Variants in TMEM171 observed in about 807,000 individuals in gnomAD.
TMEM171 encodes the protein proline-rich protein PRP2.
Under a neutral mutation model 19.1 loss-of-function variants are expected in TMEM171, and 16 were observed. The observed-to-expected ratio is 0.84, with a 90% confidence interval of 0.57 to 1.27. TMEM171 has a LOEUF of 1.27. Among genes scored for constraint, TMEM171 ranks in the 50% most tolerant of loss-of-function variants. The probability of loss-of-function intolerance (pLI) is 0.00; values close to 1 mark genes in which losing one functional copy is unlikely to be tolerated. For synonymous variants in TMEM171, 153 were observed against 163.4 expected (o/e 0.94, Z 0.48); for missense variants, 429 against 412.7 (o/e 1.04, Z -0.34).
At chr5:73,131,161 A>T (rs1875200) in intron 3 of TMEM171, among the ~76,000 whole-genome samples, 1 of 151,946 alleles carries the variant, frequency 6.6e-6, no homozygotes, top group Non-Finnish European at 1.5e-5. Context: ...TTAATTTTCC[A>T]TATGCAAAAG....
intron 2 of TMEM171, among the ~76,000 whole-genome samples, chr5:73,125,373 C>T (rs924671334): frequency 6.6e-6 from 1 of 152,148 alleles, no homozygotes; most frequent in Non-Finnish European, 1.5e-5. Flanking sequence ...ACGTTAGTAC[C>T]TCCATGTTAC....
rs905226811 is a variant in TMEM171, at chr5:73,120,654, G to C, written c.-111G>C. ...GAGGCGGACGCCGCGCCCAGCCAGT[G>C]CCCACAGCAGCGCGGTCAGCCAGGC... On this transcript the variant is annotated 5_prime_UTR_variant, in exon 1 of 4. Transcript: ENST00000454765. 8.1e-6 allele frequency: 8 copies of C among 984,542 alleles called. No individual in the cohort carries two copies. The highest frequency in any genetic ancestry group is 1.8e-5 in the African/African-American group (1 of 57,130). 61.0% of individuals were successfully genotyped at this position (984,542 alleles called of 1,614,324 possible).
At chr5:73,126,798 ATCT>A (rs1165013048) in intron 2 of TMEM171, among the ~76,000 whole-genome samples, 2 of 152,130 alleles carry the variant, frequency 1.3e-5, no homozygotes, top group African/African-American at 4.8e-5. Context: ...GTAAAGCCCC[ATCT>A]TCTTCATTTT....
chr5:73,123,529 C>T lies in TMEM171; in HGVS notation c.156C>T (p.Leu52=), dbSNP rs1744062298. ...TCCAGGCATGCCAATATAAGCCCCT[C>T]CCAGACTGCCCCATGGTGCTCAAGG... The part of the protein sequence containing the change: ...FGFQACQYKP[L]PDCPMVLKVA... The change falls in exon 2 of 4, where the codon CTC becomes CTT. Residue 52 remains leucine (L), a synonymous_variant. Transcript: ENST00000454765. The T allele has an allele frequency of 1.9e-6, 3 of 1,614,230 alleles. No individual in the cohort carries two copies. Among genetic ancestry groups the T allele is most frequent in the Non-Finnish European group, 2.5e-6 (3 of 1,180,054 alleles).
At chr5:73,125,597 T>C (rs973923758) in intron 2 of TMEM171, among the ~76,000 whole-genome samples, 7 of 152,206 alleles carry the variant, frequency 4.6e-5, no homozygotes, top group African/African-American at 1.7e-4. Context: ...TCCCTTTAAT[T>C]TGATAGATGT....
chr5:73,124,005 T>A lies in TMEM171; in HGVS notation c.632T>A (p.Val211Asp). The A allele has an allele frequency of 6.4e-7, 1 of 1,550,698 alleles. No individual in the cohort carries two copies. The highest frequency in any genetic ancestry group is 1.4e-5 in the African/African-American group (1 of 72,554). ...GQIQIMEPVQ[V>D]TVGDSVIIFP... ...ATCCAGATTATGGAGCCTGTCCAGG[T>A]CACTGTAGGTGGGTTGCTGTTATTT... Residue 211 changes from valine (V) to aspartate (D), a missense_variant, in exon 2 of 4, where the codon GTC becomes GAC. Transcript: ENST00000454765.
At chr5:73,127,210 C>T (rs1744182630) in intron 2 of TMEM171, among the ~76,000 whole-genome samples, 1 of 151,586 alleles carries the variant, frequency 6.6e-6, no homozygotes, top group Non-Finnish European at 1.5e-5. Context: ...AAAGCTTTTT[C>T]AGCAGTAGAC....
chr5:73,122,697 C>T (rs1744036561), intron 1 of TMEM171, among the ~76,000 whole-genome samples: 3 of 152,228 alleles, frequency 2.0e-5, no homozygotes, highest in African/African-American at 7.2e-5. Flanking sequence ...CCACGCCTGG[C>T]CTCAAGAACC....
chr5:73,131,735 T>C lies in TMEM171; in HGVS notation c.*5T>C. On this transcript the variant is annotated 3_prime_UTR_variant, in exon 4 of 4. Transcript: ENST00000454765. ...TCTGAGCCTTCCCCACCGTAAACTA[T>C]GGACTCTAGTTCAGTTTTATATGCA... 1 of 1,599,284 alleles carries C rather than the reference T, an allele frequency of 6.3e-7. No individual in the cohort carries two copies. Among genetic ancestry groups the C allele is most frequent in the Non-Finnish European group, 8.5e-7 (1 of 1,174,632 alleles).
chr5:73,123,657 T>C lies in TMEM171; in HGVS notation c.284T>C (p.Met95Thr). 3 of 1,614,250 alleles carry C rather than the reference T, an allele frequency of 1.9e-6. No homozygotes were observed. The highest frequency in any genetic ancestry group is 2.5e-6 in the Non-Finnish European group (3 of 1,180,036). ...LRAGLQRGQQ[M>T]DPDRAFICGE... ...GCAGGGCTGCAGAGAGGTCAGCAGA[T>C]GGACCCCGACCGAGCCTTCATCTGT... Residue 95 changes from methionine to threonine, a missense_variant, in exon 2 of 4, where the codon ATG becomes ACG. Coordinates refer to ENST00000454765, the MANE Select transcript of TMEM171 (RefSeq NM_173490.8).
At position 73,123,880 on chromosome 5, in the gene TMEM171, G is replaced by A; in HGVS notation, c.507G>A (p.Leu169=). 1 of 1,614,116 alleles carries A rather than the reference G, an allele frequency of 6.2e-7. No individual in the cohort carries two copies. Among genetic ancestry groups the A allele is most frequent in the Non-Finnish European group, 8.5e-7 (1 of 1,180,006 alleles). ...GFLSLQIMGP[L]IVLVGLCFFV... ...TTTCTCTGCAGATCATGGGGCCCTT[G>A]ATTGTGCTTGTGGGATTGTGTTTCT... The change falls in exon 2 of 4, where the codon TTG becomes TTA. Residue 169 remains leucine, a synonymous_variant. Coordinates refer to ENST00000454765, the MANE Select transcript of TMEM171 (RefSeq NM_173490.8).
chr5:73,121,414 A>T (rs1744004995), intron 1 of TMEM171, among the ~76,000 whole-genome samples: 2 of 152,174 alleles, frequency 1.3e-5, no homozygotes, highest in South Asian at 4.2e-4. Flanking sequence ...AATAACAAAA[A>T]ACCAATATAT....
intron 3 of TMEM171, among the ~76,000 whole-genome samples, chr5:73,129,224 G>A (rs917545120): frequency 2.0e-5 from 3 of 152,144 alleles, no homozygotes; most frequent in African/African-American, 7.2e-5. Flanking sequence ...GAATCTTCTT[G>A]GGTCCAAATC....
chr5:73,120,688 C>T lies in TMEM171; in HGVS notation c.-77C>T, dbSNP rs993959074. The T allele has an allele frequency of 2.0e-6, 2 of 984,066 alleles. No individual in the cohort carries two copies. The highest frequency in any genetic ancestry group is 1.8e-5 in the African/African-American group (1 of 57,088). The allele number at this position is 984,066 out of a possible 1,614,324, so 61.0% of individuals were successfully genotyped here. A position where few individuals can be genotyped will look rare whatever the true frequency, so the allele number is the denominator to read the frequency against. On this transcript the variant is annotated 5_prime_UTR_variant, in exon 1 of 4. Coordinates refer to ENST00000454765, the MANE Select transcript of TMEM171 (RefSeq NM_173490.8). ...AGCGCGGTCAGCCAGGCGCCGGACC[C>T]AGCTTCAGGTAAGCTGCCCCGGCCC...
chr5:73,120,735 C>T, intron 1 of TMEM171, 39 bp downstream of exon 1: 1 of 983,548 alleles, frequency 1.0e-6, no homozygotes, highest in African/African-American at 1.8e-5. Flanking sequence ...CCGGCGGCGG[C>T]GGGTCGGGCG....
chr5:73,127,379 A>AT (rs1580236842), intron 2 of TMEM171, among the ~76,000 whole-genome samples: 72 of 88,546 alleles, frequency 8.1e-4, no homozygotes, highest in African/African-American at 2.3e-3. Context: ...TAAAAAAAAA[A>AT]AAAAAATATA....
At chr5:73,131,478 A>G (rs1255920969) in intron 3 of TMEM171, 60 bp from the exon 4 acceptor site, 38 of 1,367,120 alleles carry the variant, frequency 2.8e-5, no homozygotes, top group Non-Finnish European at 3.3e-5. Context: ...AGAACCTAGT[A>G]CTAAAGGGGT....
intron 2 of TMEM171, among the ~76,000 whole-genome samples, chr5:73,127,724 C>T (rs149129607): frequency 0.064 from 9,115 of 143,040 alleles, 392 homozygotes; most frequent in Middle Eastern, 0.18. Flanking sequence ...GGATTACAGG[C>T]GTGAGCCACC....
intron 1 of TMEM171, among the ~76,000 whole-genome samples, chr5:73,123,016 A>G (rs1387704931): frequency 6.6e-6 from 1 of 152,238 alleles, no homozygotes; most frequent in African/African-American, 2.4e-5. Flanking sequence ...AGAAAAGGAA[A>G]TGCCACACCC....
Sources: gnomAD v4.1 joint callset for allele counts (sites outside exome capture counted in the v4.1 genomes callset) on GRCh38, gnomAD v4.1.1 for gene constraint, MANE v1.5 for transcripts, NCBI Gene and HGNC (gene_info 2026-07-23, HGNC 2026-07-21) for gene names.